Variants in EED observed in about 807,000 individuals in gnomAD.
EED encodes embryonic ectoderm development.
EED carries 9 observed loss-of-function variants against 61.0 expected under a neutral mutation model. The observed-to-expected ratio is 0.15, with a 90% confidence interval of 0.09 to 0.26. The LOEUF is 0.26. EED is among the 10% of genes least tolerant of loss of function. EED has a pLI of 1.00. For missense variants in EED, 315 were observed against 542.3 expected (o/e 0.58, Z 4.16); for synonymous variants, 187 against 174.4 (o/e 1.07, Z -0.57).
At chr11:86,282,222 A>G (rs1321168037), downstream of EED, among the ~76,000 whole-genome samples, 1 of 152,240 alleles carries the variant, frequency 6.6e-6, no homozygotes, top group African/African-American at 2.4e-5. Flanking sequence ...TCTAAATTAT[A>G]TATGCAGTTT....
intron 7 of EED, chr11:86,264,507 A>T (rs906316193): frequency 1.2e-5 from 4 of 332,350 alleles, no homozygotes; most frequent in African/African-American, 4.2e-5. Flanking sequence ...TGAGAGCAGT[A>T]TGATCTTGCT....
At chr11:86,258,555 G>GTTTT (rs563888569) in intron 6 of EED, among the ~76,000 whole-genome samples, 9 of 130,880 alleles carry the variant, frequency 6.9e-5, no homozygotes, top group South Asian at 2.4e-4. Flanking sequence ...TTGTTTTTTG[G>GTTTT]TTTTTTTTTT....
intron 3 of EED, among the ~76,000 whole-genome samples, chr11:86,254,292 C>G: frequency 6.7e-6 from 1 of 149,954 alleles, no homozygotes; most frequent in Non-Finnish European, 1.5e-5. Flanking sequence ...TATCCAAAGA[C>G]TTATTTTTAT....
Position 86,245,792 on chromosome 11 carries a change from ATCT to A in EED, c.114+452_114+454del, listed in dbSNP as rs1379216787. 9.2e-5 allele frequency among the ~76,000 whole-genome samples: 14 copies of A among 152,226 alleles called. No individual in the cohort carries two copies. In the East Asian group the frequency reaches 2.7e-3, roughly 29 times the overall value. On this transcript the variant is annotated intron_variant, in intron 1 of 11. Coordinates refer to ENST00000263360, the MANE Select transcript of EED (RefSeq NM_003797.5). ...TGTGGAATTTTCAGGATGGAAAGTG[ATCT>A]TCGATTTGCGGAGTTTGGGAGACTT...
At chr11:86,255,941 G>C (rs772361052) in intron 4 of EED, among the ~76,000 whole-genome samples, 2 of 152,180 alleles carry the variant, frequency 1.3e-5, no homozygotes, top group African/African-American at 4.8e-5. Context: ...AATGTGACCT[G>C]TTGTTGTATT....
intron 1 of EED, among the ~76,000 whole-genome samples, chr11:86,247,829 T>TA (rs751161484): frequency 1.3e-5 from 2 of 152,248 alleles, no homozygotes; most frequent in African/African-American, 2.4e-5. Flanking sequence ...GTTTTTGTGT[T>TA]AGAGTTCAGG....
downstream of EED, among the ~76,000 whole-genome samples, chr11:86,280,825 G>A (rs1001293816): frequency 6.6e-6 from 1 of 152,176 alleles, no homozygotes; most frequent in East Asian, 1.9e-4. Flanking sequence ...CCTTTATTGT[G>A]TTGAGGAACA....
At chr11:86,273,916 T>C (rs1037903917) in intron 9 of EED, among the ~76,000 whole-genome samples, 3 of 152,174 alleles carry the variant, frequency 2.0e-5, no homozygotes, top group Non-Finnish European at 4.4e-5. Context: ...TTTCTTTGGG[T>C]TTGTCTTGTT....
chr11:86,247,437 TTAAG>T (rs1444444946), intron 1 of EED, among the ~76,000 whole-genome samples: 1 of 152,224 alleles, frequency 6.6e-6, no homozygotes, highest in Non-Finnish European at 1.5e-5. Flanking sequence ...TATTAGCACA[TTAAG>T]TAACAAGATC....
At chr11:86,256,360 A>G (rs1438373955) in intron 4 of EED, 27 bp from the exon 5 acceptor site, 4 of 1,507,546 alleles carry the variant, frequency 2.7e-6, no homozygotes, top group East Asian at 2.3e-5. Context: ...CAAAAACATT[A>G]TGTTTCTTAA....
intron 1 of EED, among the ~76,000 whole-genome samples, chr11:86,245,948 A>G (rs1354015411): frequency 2.6e-5 from 4 of 151,928 alleles, no homozygotes; most frequent in Non-Finnish European, 5.9e-5. Flanking sequence ...GGGAGTGACT[A>G]CCTTTGAGGA....
chr11:86,245,136 C>A lies in EED; in HGVS notation c.-94C>A. On this transcript the variant is annotated 5_prime_UTR_variant, in exon 1 of 12. Coordinates refer to ENST00000263360, the MANE Select transcript of EED (RefSeq NM_003797.5). ...GCGGTGGAGGTGGCGGCGGCAGCGG[C>A]AACTTTGCGGCAAGCTCGGGCCGGG... 1 of 987,800 alleles carries A rather than the reference C, an allele frequency of 1.0e-6. No individual in the cohort carries two copies. The highest frequency in any genetic ancestry group is 1.5e-6 in the Non-Finnish European group (1 of 672,350). The allele number at this position is 987,800 out of a possible 1,614,324, so 61.2% of individuals were successfully genotyped here.
chr11:86,267,193 G>C (rs530116939), intron 8 of EED, among the ~76,000 whole-genome samples: 10 of 152,252 alleles, frequency 6.6e-5, no homozygotes, highest in African/African-American at 2.4e-4. Context: ...TACAATTATA[G>C]TATGTATTTA....
At chr11:86,255,344 G>A in intron 4 of EED, 57 bp downstream of exon 4, 2 of 1,354,710 alleles carry the variant, frequency 1.5e-6, no homozygotes, top group Non-Finnish European at 1.0e-6. Flanking sequence ...TTCAATAAGT[G>A]CACCAAAACT....
chr11:86,268,334 C>A, intron 8 of EED, 122 bp from the exon 9 acceptor site: 1 of 578,914 alleles, frequency 1.7e-6, no homozygotes, highest in Non-Finnish European at 3.0e-6. Flanking sequence ...TATGTAGGAA[C>A]ACAGAGGAAT....
chr11:86,258,554 GGTTTTT>G (rs1405892104), intron 6 of EED, among the ~76,000 whole-genome samples: 2 of 143,664 alleles, frequency 1.4e-5, no homozygotes, highest in East Asian at 4.1e-4. Context: ...TTTGTTTTTT[GGTTTTT>G]TTTTTTTTTT....
chr11:86,245,470 C>CG, intron 1 of EED, 127 bp downstream of exon 1: 1 of 778,572 alleles, frequency 1.3e-6, no homozygotes, highest in East Asian at 2.9e-5. Context: ...AAAACGCGGG[C>CG]GTGCGGGAGA....
chr11:86,261,981 A>G (rs1042301245), intron 6 of EED, among the ~76,000 whole-genome samples: 6 of 152,214 alleles, frequency 3.9e-5, no homozygotes, highest in Non-Finnish European at 7.3e-5. Flanking sequence ...TCTCTTCCCT[A>G]TTAATCTCCT....
rs1593754915 is a variant in EED at position 86,266,306 on chromosome 11, C to T, written c.860+90C>T. 2.1e-5 allele frequency: 25 copies of T among 1,198,210 alleles called. 1 individual carries two copies. In the East Asian group the frequency reaches 6.4e-4, roughly 31 times the overall value. The allele number at this position is 1,198,210 out of a possible 1,614,324, so 74.2% of individuals were successfully genotyped here. ...CCCAAAATTGCTATATAAGCCCCAA[C>T]AATGAGTTTAGAAGACCTTCTTTTA... On this transcript the variant is annotated intron_variant, in intron 8 of 11. Transcript: ENST00000263360.
Sources: allele counts gnomAD v4.1 joint callset (sites outside exome capture counted in the v4.1 genomes callset), GRCh38; gene constraint gnomAD v4.1.1; transcripts MANE v1.5; gene names NCBI Gene and HGNC (gene_info 2026-07-23, HGNC 2026-07-21).